NPHS1: variants seen among roughly 807,000 people sequenced by gnomAD.
NPHS1 encodes the protein nephrin.
Under a neutral mutation model 139.7 loss-of-function variants are expected in NPHS1, and 107 were observed. That is an observed-to-expected ratio of 0.77 (90% confidence interval 0.66 to 0.90). The LOEUF is 0.90. Among genes scored for constraint, NPHS1 ranks in the 40% least tolerant of loss-of-function variants. The pLI is 0.00. For missense variants in NPHS1, 1,580 were observed against 1,654.2 expected, an observed-to-expected ratio of 0.96 and a Z score of 0.78; for synonymous variants, 707 against 706.6, an observed-to-expected ratio of 1.00 and a Z score of -0.01.
chr19:35,834,080 T>G (rs1972921272), intron 23 of NPHS1, among the ~76,000 whole-genome samples: 1 of 152,170 alleles, frequency 6.6e-6, no homozygotes, highest in African/African-American at 2.4e-5. Context: ...GAAGGGGATT[T>G]TTTTGCCAAA....
At chr19:35,846,523 C>A (rs573756460) in intron 11 of NPHS1, among the ~76,000 whole-genome samples, 1 of 152,348 alleles carries the variant, frequency 6.6e-6, no homozygotes, top group South Asian at 2.1e-4. Context: ...AAATCTATTT[C>A]TGCTGTGTTT....
In NPHS1 at chr19:35,848,142, C is replaced by T. The variant is rs28939695; in HGVS notation, c.1339G>A (p.Glu447Lys). 2,647 of 1,614,068 alleles carry T rather than the reference C, an allele frequency of 1.6e-3. 59 individuals carry two copies. In the East Asian group the frequency reaches 0.054, roughly 33 times the overall value. The change falls in exon 11 of 29, where the codon GAG (glutamate) becomes AAG (lysine). Residue 447 changes from glutamate to lysine, a missense_variant. Transcript: ENST00000378910. Reference protein sequence around the residue: ...VKYPAQKLWIEGPPEGQKLRA... With the variant: ...VKYPAQKLWIKGPPEGQKLRA... ...AGCTTCTGGCCCTCTGGGGGACCCT[C>T]AATCCACAGTTTCTGGGCGGGATCT...
At position 35,835,772 on chromosome 19, in the gene NPHS1, G is replaced by A. The variant is rs375280393; in HGVS notation, c.3110-11C>T. The A allele has an allele frequency of 4.3e-5, 69 of 1,612,202 alleles. No homozygotes were observed. The highest frequency in any genetic ancestry group is 5.4e-5 in the Non-Finnish European group (64 of 1,178,648). On this transcript the variant is annotated splice_polypyrimidine_tract_variant and intron_variant, in intron 22 of 28. Coordinates refer to ENST00000378910, the MANE Select transcript of NPHS1 (RefSeq NM_004646.4). ...AAGGCTGGTGGAGACCTGGGGGGTGGATATACAGATTGTGACTTAACACTA... is the reference window on the plus strand; with the variant it reads ...AAGGCTGGTGGAGACCTGGGGGGTGAATATACAGATTGTGACTTAACACTA...
intron 11 of NPHS1, among the ~76,000 whole-genome samples, chr19:35,847,203 G>A (rs1468951244): frequency 2.0e-5 from 3 of 151,828 alleles, no homozygotes; most frequent in Non-Finnish European, 2.9e-5. Context: ...CTGCCACCAC[G>A]CCTGGCTAAT....
In NPHS1 at chr19:35,850,436, G is replaced by T. The variant is rs772625516; in HGVS notation, c.536C>A (p.Thr179Lys). The change falls in exon 5 of 29, where the codon ACA (threonine) becomes AAA (lysine). Residue 179 changes from threonine (T) to lysine (K), a missense_variant. Transcript: ENST00000378910. ...PDITILLSGQ[T>K]ISDISANVNE... ...CACGTTTGCAGAGATGTCAGATATT[G>T]TCTGTCCACCTTGGGGCAGCAAGAG... The T allele has an allele frequency of 1.2e-6, 2 of 1,613,914 alleles. No individual in the cohort carries two copies. Among genetic ancestry groups the T allele is most frequent in the South Asian group, 1.1e-5 (1 of 91,086 alleles).
intron 28 of NPHS1, among the ~76,000 whole-genome samples, chr19:35,829,894 A>G (rs1972852756): frequency 6.6e-6 from 1 of 151,674 alleles, no homozygotes; most frequent in Admixed American, 6.6e-5. Flanking sequence ...CTGGTCTCCA[A>G]TACCTGGGCT....
At chr19:35,831,006 T>C (rs1173443167) in intron 27 of NPHS1, 47 bp downstream of exon 27, 1 of 1,604,738 alleles carries the variant, frequency 6.2e-7, no homozygotes, top group Non-Finnish European at 8.5e-7. Context: ...AGTCCAGGCG[T>C]CGGGGGTACC....
intron 28 of NPHS1, among the ~76,000 whole-genome samples, chr19:35,827,115 A>G (rs1972809075): frequency 6.6e-6 from 1 of 151,778 alleles, no homozygotes; most frequent in South Asian, 2.1e-4. Flanking sequence ...AGCTGGGACT[A>G]CAGGCATGCA....
Position 35,851,928 on chromosome 19 carries a change from G to A in NPHS1, c.-91C>T. The stretch of plus-strand genomic sequence containing the variant: ...TCTGGGTCCCTCTCTGTGTGTCTCT[G>A]CCACCTGCTTTTCTTTTTTATCTCT... On this transcript the variant is annotated 5_prime_UTR_variant, in exon 1 of 29. Transcript: ENST00000378910. 1 of 1,084,990 alleles carries A rather than the reference G, an allele frequency of 9.2e-7. No homozygotes were observed. The highest frequency in any genetic ancestry group is 1.4e-6 in the Non-Finnish European group (1 of 724,946). 67.2% of individuals were successfully genotyped at this position (1,084,990 alleles called of 1,614,324 possible).
rs1973263497 is a variant in NPHS1, at chr19:35,851,585, A to C, written c.146T>G (p.Val49Gly). The change falls in exon 2 of 29, where the codon GTG (valine) becomes GGG (glycine). Residue 49 changes from valine (V) to glycine (G), a missense_variant. Transcript: ENST00000378910. ...GGTGCTGACCCCACAACGCAGCTCC[A>C]CTGAGGCCCCCTCCACCACCGTCAG... is the stretch of plus-strand genomic sequence containing the variant. ...ENLTVVEGAS[V>G]ELRCGVSTPG... The C allele has an allele frequency of 1.9e-6, 3 of 1,613,776 alleles. No individual in the cohort carries two copies. The African/African-American group carries it at 4.0e-5, about 22-fold the overall frequency.
intron 27 of NPHS1, 32 bp downstream of exon 27, chr19:35,831,021 A>G: frequency 1.9e-6 from 3 of 1,610,268 alleles, no homozygotes. Context: ...GGTACCTCTG[A>G]GTGAGGGAAT....
At chr19:35,836,368 C>A (rs1972962448) in intron 22 of NPHS1, among the ~76,000 whole-genome samples, 1 of 151,718 alleles carries the variant, frequency 6.6e-6, no homozygotes, top group African/African-American at 2.4e-5. Flanking sequence ...AGCTATCCTC[C>A]CGCCTCAGAC....
chr19:35,848,933 T>G (rs1223058275), intron 8 of NPHS1, 43 bp downstream of exon 8: 1 of 1,611,312 alleles, frequency 6.2e-7, no homozygotes, highest in Non-Finnish European at 8.5e-7. Context: ...GATGGTTCTC[T>G]GAGGCACAGA....
chr19:35,848,579 C>A, intron 9 of NPHS1, 58 bp downstream of exon 9: 1 of 1,604,980 alleles, frequency 6.2e-7, no homozygotes, highest in African/African-American at 1.3e-5. Flanking sequence ...TCCCTATCCA[C>A]GAGTCATGCC....
At chr19:35,849,908 T>C (rs1419543142) in intron 5 of NPHS1, among the ~76,000 whole-genome samples, 1 of 152,024 alleles carries the variant, frequency 6.6e-6, no homozygotes, top group Non-Finnish European at 1.5e-5. Context: ...AGTTTTTTTG[T>C]TTGTTTATTT....
intron 24 of NPHS1, 41 bp downstream of exon 24, chr19:35,831,601 AC>A: frequency 6.2e-7 from 1 of 1,611,274 alleles, no homozygotes; most frequent in Non-Finnish European, 8.5e-7. Context: ...GTTCCCTATC[AC>A]CCTCGGGTCT....
chr19:35,844,469 G>A lies in NPHS1; in HGVS notation c.1931-10C>T, dbSNP rs1973107401. On this transcript the variant is annotated splice_polypyrimidine_tract_variant and intron_variant, in intron 14 of 28. Transcript: ENST00000378910. The stretch of plus-strand genomic sequence containing the variant: ...AGGAACTCTGGACGGTCTTCAGAGG[G>A]GGCGCCGCAGGGAGTCAAGATTGTT... 2 of 1,558,742 alleles carry A rather than the reference G, an allele frequency of 1.3e-6. No individual in the cohort carries two copies. The highest frequency in any genetic ancestry group is 1.7e-6 in the Non-Finnish European group (2 of 1,154,348).
intron 4 of NPHS1, 146 bp from the exon 5 acceptor site, chr19:35,850,591 C>T: frequency 1.3e-6 from 1 of 768,210 alleles, no homozygotes; most frequent in South Asian, 1.5e-5. Context: ...GCTGCATCCC[C>T]TCCCGACTTT....
Position 35,835,574 on chromosome 19 carries a change from G to A in NPHS1, c.3166+131C>T. 4 of 841,752 alleles carry A rather than the reference G, an allele frequency of 4.8e-6. No homozygotes were observed. The South Asian group carries it at 5.4e-5, about 11-fold the overall frequency. 52.1% of individuals were successfully genotyped at this position (841,752 alleles called of 1,614,324 possible). ...GCCTCCCAAAGTGTTGGGATTACAG[G>A]CGTGAGCGACTGAGCTTGGCCAGAA... On this transcript the variant is annotated intron_variant, in intron 23 of 28. Transcript: ENST00000378910.
Sources: allele counts gnomAD v4.1 joint callset (sites outside exome capture counted in the v4.1 genomes callset), GRCh38; gene constraint gnomAD v4.1.1; transcripts MANE v1.5; gene names NCBI Gene and HGNC (gene_info 2026-07-23, HGNC 2026-07-21).